WSCD2: variants seen among roughly 807,000 people sequenced by gnomAD.
WSCD2 encodes the protein sialate:O-sulfotransferase 2.
In WSCD2, 28 loss-of-function variants were observed where a neutral mutation model predicts 55.7. The ratio of observed to expected loss-of-function variants is 0.50; its 90% CI spans 0.37 to 0.69. The LOEUF (loss-of-function observed/expected upper bound fraction) is 0.69, where lower values mean the gene tolerates loss of function less well. Ranked by LOEUF, WSCD2 falls within the 30% of genes least tolerant of loss-of-function variation. WSCD2 has a pLI of 0.00. For synonymous variants in WSCD2, 301 were observed against 301.9 expected (o/e 1.00, Z 0.03); for missense variants, 616 against 762.1 (o/e 0.81, Z 2.26).
intron 8 of WSCD2, among the ~76,000 whole-genome samples, chr12:108,242,032 GCCCCCGACA>G (rs1196210170): frequency 1.3e-5 from 2 of 152,186 alleles, no homozygotes; most frequent in African/African-American, 4.8e-5. Context: ...CCAGTCCAGA[GCCCCCGACA>G]CATAGCAGGC....
intron 5 of WSCD2, among the ~76,000 whole-genome samples, chr12:108,225,238 C>A (rs1254568286): frequency 1.3e-5 from 2 of 152,044 alleles, no homozygotes; most frequent in South Asian, 2.1e-4. Flanking sequence ...TGGTGGAAGG[C>A]AAAGGAAAAG....
At chr12:108,159,768 TGCA>T in intron 1 of WSCD2, among the ~76,000 whole-genome samples, 1 of 152,320 alleles carries the variant, frequency 6.6e-6, no homozygotes, top group South Asian at 2.1e-4. Context: ...CAGCAGCCCC[TGCA>T]GCATCTCTTG....
At chr12:108,152,673 T>C (rs1015712933) in intron 1 of WSCD2, among the ~76,000 whole-genome samples, 1 of 152,178 alleles carries the variant, frequency 6.6e-6, no homozygotes, top group Admixed American at 6.5e-5. Flanking sequence ...AAGGGCCTGT[T>C]GCAGACCATG....
At chr12:108,240,692 C>T (rs1304364484) in intron 8 of WSCD2, 148 bp downstream of exon 8, 1 of 941,926 alleles carries the variant, frequency 1.1e-6, no homozygotes, top group Admixed American at 2.6e-5. Context: ...GGGCGCGTGT[C>T]ATGCTCCAGT....
intron 1 of WSCD2, among the ~76,000 whole-genome samples, chr12:108,159,720 C>T (rs1224324466): frequency 1.3e-5 from 2 of 152,160 alleles, no homozygotes; most frequent in Admixed American, 6.5e-5. Flanking sequence ...TTGGTTCTGC[C>T]CAGGGGAGGA....
intron 1 of WSCD2, among the ~76,000 whole-genome samples, chr12:108,157,473 A>G (rs1878637285): frequency 6.6e-6 from 1 of 152,072 alleles, no homozygotes; most frequent in Non-Finnish European, 1.5e-5. Context: ...TCTGGGCCCC[A>G]CCTATTTCCC....
At chr12:108,179,951 G>A (rs892300972) in intron 1 of WSCD2, among the ~76,000 whole-genome samples, 10 of 151,576 alleles carry the variant, frequency 6.6e-5, no homozygotes, top group Non-Finnish European at 1.0e-4. Flanking sequence ...GCTGAGGCAG[G>A]AGAATCTCTT....
intron 6 of WSCD2, 37 bp downstream of exon 6, chr12:108,227,201 C>T: frequency 6.9e-6 from 11 of 1,586,498 alleles, no homozygotes; most frequent in Non-Finnish European, 9.4e-6. Flanking sequence ...CCCAGATGCA[C>T]TCCCAGTGGC....
intron 1 of WSCD2, among the ~76,000 whole-genome samples, chr12:108,146,888 G>A (rs991051559): frequency 4.6e-5 from 7 of 152,270 alleles, no homozygotes; most frequent in South Asian, 2.1e-4. Flanking sequence ...CCAAAAGTCC[G>A]GCCAGTCCTT....
At position 108,142,081 on chromosome 12, in the gene WSCD2, C is replaced by A. The variant is rs338168; in HGVS notation, c.-552+12155C>A. On this transcript the variant is annotated intron_variant, in intron 1 of 8. Coordinates refer to ENST00000547525, the MANE Select transcript of WSCD2 (RefSeq NM_014653.4). ...CTGCTTTAAGTTGCTAAAATGCCCC[C>A]GTCTCCCTTCCTTTGTCACCTGATG... 2.6e-3 allele frequency among the ~76,000 whole-genome samples: 394 copies of A among 152,140 alleles called. 3 individuals are homozygous for A. The highest frequency in any genetic ancestry group is 9.1e-3 in the African/African-American group (376 of 41,466).
chr12:108,211,652 C>CAT (rs1293742272), intron 4 of WSCD2, among the ~76,000 whole-genome samples: 24 of 107,750 alleles, frequency 2.2e-4, no homozygotes, highest in African/African-American at 3.1e-4. Context: ...TATATATATA[C>CAT]ATATATATAT....
At chr12:108,154,551 T>G (rs1461188212) in intron 1 of WSCD2, among the ~76,000 whole-genome samples, 3 of 152,168 alleles carry the variant, frequency 2.0e-5, no homozygotes, top group Non-Finnish European at 4.4e-5. Context: ...AAGTCCCTTT[T>G]GCTTGCATGA....
chr12:108,159,882 C>T lies in WSCD2; in HGVS notation c.-552+29956C>T, dbSNP rs114917266. Among the ~76,000 whole-genome samples the T allele has an allele frequency of 6.9e-3, 1,057 of 152,236 alleles. 11 individuals carry two copies. Among genetic ancestry groups the T allele is most frequent in the African/African-American group, 0.023 (948 of 41,540 alleles). On this transcript the variant is annotated intron_variant, in intron 1 of 8. Coordinates refer to ENST00000547525, the MANE Select transcript of WSCD2 (RefSeq NM_014653.4). ...TCTGCCCCTGGCAGACAACAGAATC[C>T]AAGGATTCAGTACTGTTGAGGGTAT... is the stretch of plus-strand genomic sequence containing the variant.
chr12:108,182,879 A>T (rs938126707), intron 1 of WSCD2, among the ~76,000 whole-genome samples: 4 of 151,942 alleles, frequency 2.6e-5, no homozygotes, highest in African/African-American at 7.3e-5. Context: ...CTAGTATCCC[A>T]GCATAGAGTG....
rs1875257420 is a variant in WSCD2, at chr12:108,129,503, C to T, written c.-975C>T. 6.6e-6 allele frequency: 1 copy of T among 151,482 alleles called. No individual in the cohort carries two copies. The highest frequency in any genetic ancestry group is 2.4e-5 in the African/African-American group (1 of 41,352). The allele number at this position is 151,482 out of a possible 1,614,324, so 9.4% of individuals were successfully genotyped here. A position where few individuals can be genotyped will look rare whatever the true frequency, so the allele number is the denominator to read the frequency against. On this transcript the variant is annotated 5_prime_UTR_variant, in exon 1 of 9. Transcript: ENST00000547525. Reference sequence around the variant, plus strand: ...GGGCGGGTGCCCGCGCGGGGCCTCGCCGCGGCTCGGGGCACCCGCAGTGCC... The same window carrying T: ...GGGCGGGTGCCCGCGCGGGGCCTCGTCGCGGCTCGGGGCACCCGCAGTGCC...
chr12:108,240,623 A>T, intron 8 of WSCD2, 79 bp downstream of exon 8: 1 of 1,453,480 alleles, frequency 6.9e-7, no homozygotes, highest in African/African-American at 1.4e-5. Context: ...CGTGCTCCGG[A>T]CCAGCGTGAC....
chr12:108,186,497 T>C (rs1227976424), intron 1 of WSCD2, among the ~76,000 whole-genome samples: 3 of 152,250 alleles, frequency 2.0e-5, no homozygotes, highest in Non-Finnish European at 2.9e-5. Flanking sequence ...CTAAAAATCC[T>C]ATACTCTACC....
chr12:108,225,314 T>C (rs1256214808), intron 5 of WSCD2, among the ~76,000 whole-genome samples: 1 of 152,166 alleles, frequency 6.6e-6, no homozygotes, highest in African/African-American at 2.4e-5. Flanking sequence ...TTTTTAAAGA[T>C]GTCAGATCTC....
chr12:108,167,000 C>A (rs1369207457), intron 1 of WSCD2, among the ~76,000 whole-genome samples: 1 of 151,616 alleles, frequency 6.6e-6, no homozygotes, highest in African/African-American at 2.4e-5. Context: ...TTAGTAGAGG[C>A]AGGGTTTCAC....
Sources: gnomAD v4.1 joint callset for allele counts (sites outside exome capture counted in the v4.1 genomes callset) on GRCh38, gnomAD v4.1.1 for gene constraint, MANE v1.5 for transcripts, NCBI Gene and HGNC (gene_info 2026-07-23, HGNC 2026-07-21) for gene names.